SLC38A9: variants seen among roughly 807,000 people sequenced by gnomAD.
SLC38A9 encodes the protein solute carrier family 38 member 9, also known as neutral amino acid transporter 9.
A neutral mutation model predicts 62.3 loss-of-function variants in SLC38A9; 48 were observed. That is an observed-to-expected ratio of 0.77 (90% CI 0.61 to 0.98). The LOEUF is 0.98. Ranked by LOEUF, SLC38A9 falls within the 50% of genes least tolerant of loss-of-function variation. The probability of loss-of-function intolerance (pLI) is 0.00; values close to 1 mark genes in which losing one functional copy is unlikely to be tolerated. For synonymous variants in SLC38A9, 204 were observed against 227.7 expected, an observed-to-expected ratio of 0.90 and a Z score of 0.94; for missense variants, 541 against 679.8, an observed-to-expected ratio of 0.80 and a Z score of 2.27.
At position 55,675,028 on chromosome 5, in the gene SLC38A9, T is replaced by G. The variant is rs190631578; in HGVS notation, c.114-2333A>C. 5.3e-5 allele frequency among the ~76,000 whole-genome samples: 8 copies of G among 152,306 alleles called. No individual in the cohort carries two copies. In the East Asian group the frequency reaches 1.3e-3, roughly 26 times the overall value. ...AAGAATGATAGCTTTAATACCAACA[T>G]AAGGCAAAGATTGAAGCTAGTCATG... On this transcript the variant is annotated intron_variant, in intron 3 of 15. Coordinates refer to ENST00000396865, the MANE Select transcript of SLC38A9 (RefSeq NM_173514.4).
chr5:55,626,499 T>TA lies in SLC38A9; in HGVS notation c.1680dup (p.Met561TyrfsTer14), dbSNP rs760071820. 17 of 1,610,336 alleles carry TA rather than the reference T, an allele frequency of 1.1e-5. No individual in the cohort carries two copies. The highest frequency in any genetic ancestry group is 1.7e-4 in the Middle Eastern group (1 of 6,044). On this transcript the variant is annotated frameshift_variant, in exon 16 of 16. Transcript: ENST00000396865. LOFTEE classifies it high-confidence loss of function. The stretch of plus-strand genomic sequence containing the variant: ...AAAAAAACAGTTGAGGTATTTCACA[T>TA]AAAAAACTGAACAATCAGGTTAGCC...
rs551543854 is a variant in SLC38A9 at position 55,647,116 on chromosome 5, G to A, written c.1061-1221C>T. The stretch of plus-strand genomic sequence containing the variant: ...TATGCAAAGAAAAAAGACTGGTGAG[G>A]GGGTATCCACAAAAATATAAATAGT... On this transcript the variant is annotated intron_variant, in intron 11 of 15. Coordinates refer to ENST00000396865, the MANE Select transcript of SLC38A9 (RefSeq NM_173514.4). Among the ~76,000 whole-genome samples, 436 of 152,106 alleles carry A rather than the reference G, an allele frequency of 2.9e-3. 3 individuals carry two copies. The highest frequency in any genetic ancestry group is 9.9e-3 in the African/African-American group (412 of 41,488).
intron 3 of SLC38A9, among the ~76,000 whole-genome samples, chr5:55,681,793 A>C (rs2408200): frequency 0.6 from 91,115 of 151,904 alleles, 27,911 homozygotes; most frequent in South Asian, 0.7. Context: ...GGGTCGGTAC[A>C]CTATGGCCTG....
chr5:55,672,485 T>C (rs1751478495), intron 4 of SLC38A9, 78 bp downstream of exon 4: 6 of 1,507,360 alleles, frequency 4.0e-6, no homozygotes, highest in Admixed American at 2.0e-5. Context: ...GTTCAATCAC[T>C]GGGAGGTGCC....
In SLC38A9 at chr5:55,626,634, C is replaced by A; in HGVS notation, c.1546G>T (p.Ala516Ser). 1 of 1,608,898 alleles carries A rather than the reference C, an allele frequency of 6.2e-7. No individual in the cohort carries two copies. Residue 516 changes from alanine to serine, a missense_variant, in exon 16 of 16, where the codon GCC becomes TCC. Transcript: ENST00000396865. ...IRYSGAACGL[A>S]FVFIYPSLIY... ...AGAGATGGGTATATGAATACAAAGG[C>A]CAGTCCACATGCTGCTCCTGAATAT...
chr5:55,707,982 C>T (rs1757504715), intron 2 of SLC38A9, among the ~76,000 whole-genome samples: 1 of 152,184 alleles, frequency 6.6e-6, no homozygotes, highest in African/African-American at 2.4e-5. Flanking sequence ...CCTCACCAAA[C>T]ATCAAATCTG....
At position 55,661,402 on chromosome 5, in the gene SLC38A9, G is replaced by A. The variant is rs182898099; in HGVS notation, c.697+3291C>T. Among the ~76,000 whole-genome samples, 198 of 125,380 alleles carry A rather than the reference G, an allele frequency of 1.6e-3. No individual in the cohort carries two copies. In the Middle Eastern group the frequency reaches 0.021, roughly 13 times the overall value. 82.3% of individuals were successfully genotyped at this position (125,380 alleles called of 152,430 possible). On this transcript the variant is annotated intron_variant, in intron 8 of 15. Coordinates refer to ENST00000396865, the MANE Select transcript of SLC38A9 (RefSeq NM_173514.4). ...GGAGCTTGCAGTGAGCCGAGATCTCGCCCCGGCACTCAAGCCTGGGTGACA... is the reference window on the plus strand; with the variant it reads ...GGAGCTTGCAGTGAGCCGAGATCTCACCCCGGCACTCAAGCCTGGGTGACA...
intron 4 of SLC38A9, among the ~76,000 whole-genome samples, chr5:55,671,191 A>G (rs1580275688): frequency 3.9e-5 from 1 of 25,612 alleles, no homozygotes; most frequent in Non-Finnish European, 1.3e-4. Context: ...CAAATTACTT[A>G]TATATATTTT....
intron 3 of SLC38A9, among the ~76,000 whole-genome samples, chr5:55,674,204 C>T (rs552494178): frequency 6.6e-6 from 1 of 152,300 alleles, no homozygotes; most frequent in Non-Finnish European, 1.5e-5. Flanking sequence ...CCTAAATATG[C>T]TGGGTACTAT....
chr5:55,667,195 T>C (rs2150323540), intron 7 of SLC38A9, among the ~76,000 whole-genome samples: 1 of 151,768 alleles, frequency 6.6e-6, no homozygotes, highest in African/African-American at 2.4e-5. Flanking sequence ...ATAATATAAT[T>C]CTAAGTCTCT....
At chr5:55,710,705 T>A (rs1757910062) in intron 2 of SLC38A9, among the ~76,000 whole-genome samples, 1 of 151,848 alleles carries the variant, frequency 6.6e-6, no homozygotes, top group South Asian at 2.1e-4. Flanking sequence ...AACCTCCGCC[T>A]CCTGGGTTCA....
At chr5:55,669,920 A>C (rs773480677) in intron 4 of SLC38A9, 41 bp from the exon 5 acceptor site, 13 of 1,558,118 alleles carry the variant, frequency 8.3e-6, no homozygotes, top group Non-Finnish European at 1.0e-5. Context: ...GAACCAGGAA[A>C]TGCAAAATAG....
chr5:55,648,893 T>G (rs963776826), intron 11 of SLC38A9, among the ~76,000 whole-genome samples: 1 of 152,138 alleles, frequency 6.6e-6, no homozygotes, highest in Non-Finnish European at 1.5e-5. Flanking sequence ...AATGTTTAAT[T>G]AAAAACCACA....
chr5:55,667,839 C>T (rs866202946), intron 7 of SLC38A9, among the ~76,000 whole-genome samples: 13 of 152,276 alleles, frequency 8.5e-5, no homozygotes, highest in Middle Eastern at 3.4e-3. Flanking sequence ...AAGCAATTCT[C>T]GTGCCTCAGC....
intron 9 of SLC38A9, 36 bp from the exon 10 acceptor site, chr5:55,652,759 A>AG (rs780001216): frequency 1.4e-6 from 2 of 1,414,972 alleles, no homozygotes; most frequent in Non-Finnish European, 9.3e-7. Flanking sequence ...AGAAGATGAC[A>AG]AAAAACAAAA....
chr5:55,651,975 CA>C (rs61692922), intron 10 of SLC38A9, among the ~76,000 whole-genome samples: 86 of 24,844 alleles, frequency 3.5e-3, no homozygotes, highest in South Asian at 0.014. Flanking sequence ...AAAAAAAACA[CA>C]CACACACAAC....
chr5:55,656,875 C>A, intron 8 of SLC38A9, 101 bp from the exon 9 acceptor site: 1 of 462,930 alleles, frequency 2.2e-6, no homozygotes, highest in Non-Finnish European at 3.5e-6. Context: ...TTTTTTCTTT[C>A]TTTGAGACGG....
Position 55,700,360 on chromosome 5 carries a change from C to CAAAAA in SLC38A9, c.-34-2373_-34-2369dup, listed in dbSNP as rs3042053. Among the ~76,000 whole-genome samples, 29 of 140,074 alleles carry CAAAAA rather than the reference C, an allele frequency of 2.1e-4. 1 individual carries two copies. The highest frequency in any genetic ancestry group is 6.7e-4 in the South Asian group (3 of 4,450). The allele number at this position is 140,074 out of a possible 152,430, so 91.9% of individuals were successfully genotyped here. On this transcript the variant is annotated intron_variant, in intron 2 of 15. Transcript: ENST00000396865. ...CCCAATTAAAAAAAATAAAACAAGCCAAAAAAAAAAAGAACTAAAATCCCA... is the reference window on the plus strand; with the variant it reads ...CCCAATTAAAAAAAATAAAACAAGCCAAAAAAAAAAAAAAAAGAACTAAAATCCCA...
intron 11 of SLC38A9, among the ~76,000 whole-genome samples, chr5:55,646,476 A>C (rs1349937925): frequency 1.3e-5 from 2 of 152,192 alleles, no homozygotes; most frequent in African/African-American, 4.8e-5. Context: ...GGTCTGTCTG[A>C]CTTTAAAGTC....
Sources: allele counts gnomAD v4.1 joint callset (sites outside exome capture counted in the v4.1 genomes callset), GRCh38; gene constraint gnomAD v4.1.1; transcripts MANE v1.5; gene names NCBI Gene and HGNC (gene_info 2026-07-23, HGNC 2026-07-21).